The following RASGRF1 variants were observed in gnomAD, a reference collection of about 807,000 sequenced individuals.
RASGRF1 encodes the protein ras-specific guanine nucleotide-releasing factor 1.
Under a neutral mutation model 138.7 loss-of-function variants are expected in RASGRF1, and 40 were observed. The observed-to-expected ratio is 0.29, with a 90% CI of 0.22 to 0.38. The LOEUF is 0.38. Ranked by LOEUF, RASGRF1 falls within the 10% of genes least tolerant of loss-of-function variation. The probability of loss-of-function intolerance (pLI) is 1.00; values close to 1 mark genes in which losing one functional copy is unlikely to be tolerated. For missense variants in RASGRF1, 1,108 were observed against 1,650.4 expected (o/e 0.67, Z 5.69); for synonymous variants, 614 against 663.2 (o/e 0.93, Z 1.14).
intron 13 of RASGRF1, chr15:79,012,654 G>A: frequency 1.4e-6 from 2 of 1,394,818 alleles, no homozygotes; most frequent in Non-Finnish European, 9.8e-7. Flanking sequence ...TCTTTCATAG[G>A]TGATTTTAAT....
At chr15:79,076,316 T>A (rs1178029385) in intron 1 of RASGRF1, among the ~76,000 whole-genome samples, 1 of 151,924 alleles carries the variant, frequency 6.6e-6, no homozygotes, top group Non-Finnish European at 1.5e-5. Context: ...GAGGGGAGGT[T>A]GCAGGCACTG....
chr15:79,058,754 T>C (rs149971016), intron 2 of RASGRF1, among the ~76,000 whole-genome samples: 19 of 152,248 alleles, frequency 1.2e-4, no homozygotes, highest in African/African-American at 4.6e-4. Flanking sequence ...CTTTTAAAGA[T>C]AAATAACAGG....
chr15:79,042,129 C>G (rs981641791), intron 5 of RASGRF1, among the ~76,000 whole-genome samples: 4 of 152,172 alleles, frequency 2.6e-5, no homozygotes, highest in East Asian at 1.9e-4. Flanking sequence ...TCTTTTCCCC[C>G]CTATTTGAGA....
chr15:78,968,822 G>T (rs965899756), intron 26 of RASGRF1, among the ~76,000 whole-genome samples: 2 of 152,110 alleles, frequency 1.3e-5, no homozygotes, highest in Admixed American at 6.5e-5. Flanking sequence ...TTCAAATTTG[G>T]CTTGCCTTTA....
intron 15 of RASGRF1, 60 bp from the exon 16 acceptor site, chr15:79,001,847 T>A: frequency 8.5e-7 from 1 of 1,175,804 alleles, no homozygotes; most frequent in Non-Finnish European, 1.1e-6. Flanking sequence ...AATTTAAATA[T>A]TTGATTTTAA....
In RASGRF1 at chr15:78,973,433, C is replaced by G. The variant is rs201039870; in HGVS notation, c.3495-13G>C. On this transcript the variant is annotated splice_polypyrimidine_tract_variant and intron_variant, in intron 24 of 26. Coordinates refer to ENST00000558480, the MANE Select transcript of RASGRF1 (RefSeq NM_001145648.3). This position sits in a 1 kb window ranked among gnomAD's most constrained non-coding sequence, Gnocchi z 4.9. ...GGGTGGGTCACAACTTGGAAGCAAACGGCATTAACACAAGTTTTTCATTTT... is the reference window on the plus strand; with the variant it reads ...GGGTGGGTCACAACTTGGAAGCAAAGGGCATTAACACAAGTTTTTCATTTT... The G allele has an allele frequency of 6.4e-7, 1 of 1,555,806 alleles. No individual in the cohort carries two copies. The highest frequency in any genetic ancestry group is 1.1e-5 in the South Asian group (1 of 88,878).
At chr15:78,998,693 C>A in intron 18 of RASGRF1, 26 bp downstream of exon 18, 1 of 1,579,358 alleles carries the variant, frequency 6.3e-7, no homozygotes, top group Non-Finnish European at 8.7e-7. Flanking sequence ...TCCCCAGCAG[C>A]CTGCCCAGGG....
chr15:78,992,984 G>A (rs116836486), intron 20 of RASGRF1, among the ~76,000 whole-genome samples: 1,683 of 149,110 alleles, frequency 0.011, 42 homozygotes, highest in African/African-American at 0.039. Flanking sequence ...AGCGAGGACC[G>A]TGGAGAAAAA....
At chr15:78,969,390 A>G (rs1204424560) in intron 26 of RASGRF1, among the ~76,000 whole-genome samples, 1 of 152,202 alleles carries the variant, frequency 6.6e-6, no homozygotes, top group Non-Finnish European at 1.5e-5. Flanking sequence ...TTTGTCCAAC[A>G]TTGAAAATCC....
chr15:79,059,973 CACACACACAG>C (rs1328634202), intron 2 of RASGRF1, among the ~76,000 whole-genome samples: 5 of 13,376 alleles, frequency 3.7e-4, no homozygotes, highest in African/African-American at 1.4e-3. Flanking sequence ...CTCACACACA[CACACACACAG>C]ACACACAGAC....
intron 15 of RASGRF1, 36 bp from the exon 16 acceptor site, chr15:79,001,823 AATT>A: frequency 2.1e-6 from 2 of 939,696 alleles, no homozygotes; most frequent in South Asian, 5.4e-5. Flanking sequence ...TACTTTTCTT[AATT>A]TTAATTTTAA....
chr15:79,012,645 C>A, intron 13 of RASGRF1: 2 of 1,434,768 alleles, frequency 1.4e-6, no homozygotes, highest in South Asian at 1.3e-5. Context: ...TTATTTTTTT[C>A]TTTCATAGGT....
chr15:79,085,040 C>T (rs1176934582), intron 1 of RASGRF1, among the ~76,000 whole-genome samples: 1 of 152,154 alleles, frequency 6.6e-6, no homozygotes, highest in Non-Finnish European at 1.5e-5. Flanking sequence ...CCTGCCTCTG[C>T]CTGCCTCCTG....
In RASGRF1 at chr15:78,998,245, T is replaced by G. The variant is rs888225585; in HGVS notation, c.2854-37A>C. On this transcript the variant is annotated intron_variant, in intron 18 of 26. Coordinates refer to ENST00000558480, the MANE Select transcript of RASGRF1 (RefSeq NM_001145648.3). ...GTGTGATGGGTGGCTCTGGTTACTG[T>G]TTTTGAGCTGCTCTGCAGTGGTCTG... 7 of 1,539,070 alleles carry G rather than the reference T, an allele frequency of 4.5e-6. No individual in the cohort carries two copies. The South Asian group carries it at 7.8e-5, about 17-fold the overall frequency.
At chr15:78,992,401 C>T (rs894783) in intron 20 of RASGRF1, among the ~76,000 whole-genome samples, 102,590 of 152,106 alleles carry the variant, frequency 0.67, 34,886 homozygotes, top group South Asian at 0.74. Context: ...TTGGGCCCTT[C>T]GACCAGAGAA....
At chr15:79,088,143 T>C (rs2058006177) in intron 1 of RASGRF1, among the ~76,000 whole-genome samples, 1 of 152,196 alleles carries the variant, frequency 6.6e-6, no homozygotes, top group Non-Finnish European at 1.5e-5. Context: ...TTGGATGAAT[T>C]CTAGGTCTGA....
intron 24 of RASGRF1, among the ~76,000 whole-genome samples, chr15:78,975,496 A>T (rs2092330321): frequency 7.0e-6 from 1 of 143,334 alleles, no homozygotes; most frequent in Non-Finnish European, 1.5e-5. Flanking sequence ...ACAGGTCTTC[A>T]TTTCCTTCCT....
chr15:79,010,107 C>T (rs113028897), intron 13 of RASGRF1, among the ~76,000 whole-genome samples: 72 of 149,558 alleles, frequency 4.8e-4, no homozygotes, highest in African/African-American at 1.5e-3. Context: ...GGCGCAATGT[C>T]GGCTCATGGC....
At chr15:78,974,245 G>T (rs2055829089) in intron 24 of RASGRF1, among the ~76,000 whole-genome samples, 2 of 152,198 alleles carry the variant, frequency 1.3e-5, no homozygotes, top group South Asian at 4.1e-4. Context: ...GCTCCCTTTA[G>T]CTCCTTCTGG....
Sources: allele counts gnomAD v4.1 joint callset (sites outside exome capture counted in the v4.1 genomes callset), GRCh38; gene constraint gnomAD v4.1.1; non-coding constraint Gnocchi (gnomAD v3.1); transcripts MANE v1.5; gene names NCBI Gene and HGNC (gene_info 2026-07-23, HGNC 2026-07-21).